ARHGAP15: variants seen among roughly 807,000 people sequenced by gnomAD.
The protein encoded by ARHGAP15 is rho GTPase-activating protein 15.
A neutral mutation model predicts 63.7 loss-of-function variants in ARHGAP15; 51 were observed. That is an observed-to-expected ratio of 0.80 (90% confidence interval 0.64 to 1.01). The LOEUF is 1.01. ARHGAP15 is among the 50% of genes least tolerant of loss of function. The pLI is 0.00. For synonymous variants in ARHGAP15, 191 were observed against 193.8 expected, an observed-to-expected ratio of 0.99 and a Z score of 0.12; for missense variants, 560 against 564.6, an observed-to-expected ratio of 0.99 and a Z score of 0.08.
At chr2:143,604,553 C>T (rs896451865) in intron 11 of ARHGAP15, among the ~76,000 whole-genome samples, 1 of 152,176 alleles carries the variant, frequency 6.6e-6, no homozygotes, top group African/African-American at 2.4e-5. Flanking sequence ...ATACAAGATG[C>T]CCTTTCAGAG....
At position 143,313,639 on chromosome 2, in the gene ARHGAP15, G is replaced by T. The variant is rs551323005; in HGVS notation, c.474+63039G>T. ...AGAAACGTAAGGTTTTTAGATGTTT[G>T]TAACATAACGACAGATGCTGAGGTA... On this transcript the variant is annotated intron_variant, in intron 6 of 13. Coordinates refer to ENST00000295095, the MANE Select transcript of ARHGAP15 (RefSeq NM_018460.4). Among the ~76,000 whole-genome samples, 17 of 152,274 alleles carry T rather than the reference G, an allele frequency of 1.1e-4. No individual in the cohort carries two copies. In the South Asian group the frequency reaches 3.5e-3, roughly 32 times the overall value.
At chr2:143,146,472 T>A (rs1308940151) in intron 1 of ARHGAP15, among the ~76,000 whole-genome samples, 2 of 151,536 alleles carry the variant, frequency 1.3e-5, no homozygotes, top group Non-Finnish European at 2.9e-5. Flanking sequence ...TTTAGTGGGG[T>A]GAGGTGGGTA....
intron 11 of ARHGAP15, among the ~76,000 whole-genome samples, chr2:143,609,102 T>A (rs1698156908): frequency 6.6e-6 from 1 of 152,234 alleles, no homozygotes; most frequent in African/African-American, 2.4e-5. Context: ...TGTATGTGTC[T>A]TGTGTATCTT....
Position 143,496,322 on chromosome 2 carries a change from C to T in ARHGAP15, c.826+8827C>T, listed in dbSNP as rs531763228. On this transcript the variant is annotated intron_variant, in intron 9 of 13. Transcript: ENST00000295095. ...ATGTATTTTAAAAGCCTGTTGTGCA[C>T]ACAGGAAACAATCCAGGTCTTGTGA... 3.3e-5 allele frequency among the ~76,000 whole-genome samples: 5 copies of T among 152,140 alleles called. No individual in the cohort carries two copies. In the East Asian group the frequency reaches 7.7e-4, roughly 23 times the overall value.
At chr2:143,686,648 T>A (rs1481401333) in intron 12 of ARHGAP15, among the ~76,000 whole-genome samples, 1 of 152,196 alleles carries the variant, frequency 6.6e-6, no homozygotes, top group African/African-American at 2.4e-5. Context: ...TATAGAGGCT[T>A]ACTTTGCCCC....
intron 8 of ARHGAP15, among the ~76,000 whole-genome samples, chr2:143,477,938 G>A (rs1047771819): frequency 2.0e-5 from 3 of 152,224 alleles, no homozygotes; most frequent in Non-Finnish European, 4.4e-5. Flanking sequence ...GTTTGCAGAA[G>A]TAAATGTATT....
intron 6 of ARHGAP15, among the ~76,000 whole-genome samples, chr2:143,290,357 G>C (rs1019063283): frequency 6.6e-6 from 1 of 151,904 alleles, no homozygotes; most frequent in African/African-American, 2.4e-5. Context: ...TAAAGTGGTG[G>C]TGTTTAAGGG....
intron 8 of ARHGAP15, among the ~76,000 whole-genome samples, chr2:143,459,234 AAG>A (rs1690808173): frequency 6.6e-6 from 1 of 152,096 alleles, no homozygotes; most frequent in South Asian, 2.1e-4. Flanking sequence ...GCTAATGAAA[AAG>A]AGTTGCAAAG....
intron 1 of ARHGAP15, among the ~76,000 whole-genome samples, chr2:143,134,879 T>A (rs548662793): frequency 6.6e-6 from 1 of 152,044 alleles, no homozygotes; most frequent in South Asian, 2.1e-4. Flanking sequence ...CCTCGTGATC[T>A]GCCCACCTTG....
intron 9 of ARHGAP15, among the ~76,000 whole-genome samples, chr2:143,516,458 G>T (rs994302790): frequency 2.0e-5 from 3 of 151,918 alleles, no homozygotes; most frequent in African/African-American, 7.3e-5. Context: ...CATACTAAAG[G>T]ACATTTTTCT....
At chr2:143,591,068 A>G (rs1697302289) in intron 11 of ARHGAP15, among the ~76,000 whole-genome samples, 1 of 152,256 alleles carries the variant, frequency 6.6e-6, no homozygotes, top group East Asian at 1.9e-4. Flanking sequence ...TAGTCATCCA[A>G]TCCAGGTCCT....
chr2:143,189,342 G>T (rs1433456379), intron 2 of ARHGAP15, among the ~76,000 whole-genome samples: 1 of 152,026 alleles, frequency 6.6e-6, no homozygotes, highest in African/African-American at 2.4e-5. Context: ...CACTTGGTAA[G>T]CTCTTTCAGT....
At chr2:143,282,690 C>T (rs1386730807) in intron 6 of ARHGAP15, among the ~76,000 whole-genome samples, 5 of 152,142 alleles carry the variant, frequency 3.3e-5, no homozygotes, top group South Asian at 2.1e-4. Context: ...CCATCTTAAA[C>T]GTGAGAAAAC....
chr2:143,690,568 A>G (rs1683550996), intron 12 of ARHGAP15, among the ~76,000 whole-genome samples: 1 of 152,220 alleles, frequency 6.6e-6, no homozygotes, highest in African/African-American at 2.4e-5. Context: ...GAAGATGCTT[A>G]GAGTTACAAA....
intron 13 of ARHGAP15, among the ~76,000 whole-genome samples, chr2:143,724,218 G>A (rs1685185405): frequency 6.6e-6 from 1 of 152,130 alleles, no homozygotes; most frequent in African/African-American, 2.4e-5. Flanking sequence ...ACTGGATTCA[G>A]AAGCAGAAAA....
intron 2 of ARHGAP15, among the ~76,000 whole-genome samples, chr2:143,188,639 TTATTATTA>T (rs1691542583): frequency 7.0e-6 from 1 of 142,572 alleles, no homozygotes; most frequent in Non-Finnish European, 1.6e-5. Context: ...ATTATTATTA[TTATTATTA>T]TTATTATTTG....
At chr2:143,447,781 G>A (rs1484685937) in intron 8 of ARHGAP15, among the ~76,000 whole-genome samples, 2 of 152,132 alleles carry the variant, frequency 1.3e-5, no homozygotes, top group African/African-American at 2.4e-5. Context: ...GAGTGAGTGA[G>A]GAAACAAGTG....
chr2:143,283,318 C>T (rs1276759625), intron 6 of ARHGAP15, among the ~76,000 whole-genome samples: 1 of 152,060 alleles, frequency 6.6e-6, no homozygotes, highest in Non-Finnish European at 1.5e-5. Flanking sequence ...ATTTAAGGGA[C>T]AAGTAAGGAA....
intron 6 of ARHGAP15, among the ~76,000 whole-genome samples, chr2:143,271,065 GTCTT>G (rs72028087): frequency 0.021 from 3,163 of 152,126 alleles, 58 homozygotes; most frequent in Non-Finnish European, 0.028. Context: ...ATTTCCATCT[GTCTT>G]TCTTCTGTAT....
Sources: allele counts gnomAD v4.1 joint callset (sites outside exome capture counted in the v4.1 genomes callset), GRCh38; gene constraint gnomAD v4.1.1; transcripts MANE v1.5; gene names NCBI Gene and HGNC (gene_info 2026-07-23, HGNC 2026-07-21).